ANTXRL: variants seen among roughly 807,000 people sequenced by gnomAD.
ANTXRL encodes ANTXR like.
In ANTXRL, 63 loss-of-function variants were observed where a neutral mutation model predicts 75.4. That is an observed-to-expected ratio of 0.84 (90% CI 0.68 to 1.03). The LOEUF (loss-of-function observed/expected upper bound fraction) is 1.03, where lower values mean the gene tolerates loss of function less well. Among genes scored for constraint, ANTXRL ranks in the 50% least tolerant of loss-of-function variants. The pLI, the probability that ANTXRL is intolerant of heterozygous loss-of-function variation, is 0.00. For missense variants in ANTXRL, 797 were observed against 789.4 expected (o/e 1.01, Z -0.12); for synonymous variants, 335 against 291.3 (o/e 1.15, Z -1.53).
chr10:46,305,728 G>A (rs1838040153), intron 10 of ANTXRL, among the ~76,000 whole-genome samples: 1 of 151,770 alleles, frequency 6.6e-6, no homozygotes, highest in Non-Finnish European at 1.5e-5. Context: ...ACTCTCCTGA[G>A]CCCACCACAC....
At chr10:46,321,533 G>T (rs192927690) in intron 16 of ANTXRL, among the ~76,000 whole-genome samples, 1 of 152,224 alleles carries the variant, frequency 6.6e-6, no homozygotes, top group East Asian at 1.9e-4. Context: ...GTGGTGACAA[G>T]GACTCGGTAT....
chr10:46,313,107 C>T, intron 15 of ANTXRL, 129 bp from the exon 16 acceptor site: 1 of 852,992 alleles, frequency 1.2e-6, no homozygotes, highest in Non-Finnish European at 1.9e-6. Flanking sequence ...GCCCCTCCCC[C>T]AGAGGGGGAT....
At chr10:46,288,167 GT>G (rs1554955729) in intron 1 of ANTXRL, among the ~76,000 whole-genome samples, 1 of 152,114 alleles carries the variant, frequency 6.6e-6, no homozygotes, top group African/African-American at 2.4e-5. Flanking sequence ...GATTGCCTTG[GT>G]TCCCTTTCCT....
At chr10:46,308,567 G>A (rs1475534507) in intron 12 of ANTXRL, 12 of 412,710 alleles carry the variant, frequency 2.9e-5, no homozygotes, top group African/African-American at 1.4e-4. Context: ...AACTGTTCCC[G>A]TTGCTTATAC....
chr10:46,329,891 A>G lies in ANTXRL; in HGVS notation c.1703A>G (p.Gln568Arg). The change falls in exon 17 of 17, where the codon CAG becomes CGG. Residue 568 changes from glutamine to arginine, a missense_variant. By Grantham distance (43) the Gln-to-Arg change is conservative. Coordinates refer to ENST00000620264, the MANE Select transcript of ANTXRL (RefSeq NM_001278688.3). ...AGCCCGGAGTACTTTTCCCAAGCAC[A>G]GACTCTGTGCAACCCAAAGAGCTGC... is the stretch of plus-strand genomic sequence containing the variant. ...RHSPEYFSQA[Q>R]TLCNPKSCLQ... The G allele has an allele frequency of 6.5e-7, 1 of 1,535,892 alleles. No homozygotes were observed. The highest frequency in any genetic ancestry group is 1.2e-5 in the South Asian group (1 of 84,048).
intron 1 of ANTXRL, among the ~76,000 whole-genome samples, chr10:46,290,954 C>G (rs1836958138): frequency 6.6e-6 from 1 of 152,058 alleles, no homozygotes; most frequent in Non-Finnish European, 1.5e-5. Flanking sequence ...ACAGTCTCAA[C>G]TTTTCTATTT....
chr10:46,297,246 C>G lies in ANTXRL; in HGVS notation c.509-6C>G, dbSNP rs538357634. 2 of 1,536,266 alleles carry G rather than the reference C, an allele frequency of 1.3e-6. No homozygotes were observed. Among genetic ancestry groups the G allele is most frequent in the Middle Eastern group, 1.7e-4 (1 of 5,988 alleles). ...CTGAGCAGGCCACTCTTTGCTTCTT[C>G]TACAGACAAGGTTCCCAGCATGATT... On this transcript the variant is annotated splice_polypyrimidine_tract_variant and splice_region_variant and intron_variant, in intron 5 of 16. Coordinates refer to ENST00000620264, the MANE Select transcript of ANTXRL (RefSeq NM_001278688.3).
chr10:46,308,708 C>A (rs769600710), intron 12 of ANTXRL: 1 of 334,482 alleles, frequency 3.0e-6, no homozygotes, highest in East Asian at 8.1e-5. Flanking sequence ...GATGTGCCCA[C>A]GGTGCAGAGC....
At position 46,296,258 on chromosome 10, in the gene ANTXRL, C is replaced by T. The variant is rs199969598; in HGVS notation, c.508+6C>T. ...CGAAAGTTTCAACTCCGGAAGTAAG[C>T]ACCTGCCGTCCCCCTGGTGGTCCTG... On this transcript the variant is annotated splice_donor_region_variant and intron_variant, in intron 5 of 16. Coordinates refer to ENST00000620264, the MANE Select transcript of ANTXRL (RefSeq NM_001278688.3). 3 of 1,535,716 alleles carry T rather than the reference C, an allele frequency of 2.0e-6. No homozygotes were observed. Among genetic ancestry groups the T allele is most frequent in the Non-Finnish European group, 2.6e-6 (3 of 1,146,628 alleles).
rs1242737433 is a variant in ANTXRL, at chr10:46,310,543, C to A, written c.1173+44C>A. The A allele has an allele frequency of 2.6e-6, 4 of 1,525,836 alleles. No homozygotes were observed. In the African/African-American group the frequency reaches 5.5e-5, roughly 21 times the overall value. 94.5% of individuals were successfully genotyped at this position (1,525,836 alleles called of 1,614,324 possible). On this transcript the variant is annotated intron_variant, in intron 14 of 16. Coordinates refer to ENST00000620264, the MANE Select transcript of ANTXRL (RefSeq NM_001278688.3). ...CCCGATATTGTCACATCCCAAGGAG[C>A]CCACTGACCTTCACCAAGAGTGCCA...
Position 46,297,872 on chromosome 10 carries a change from G to A in ANTXRL, c.696G>A (p.Val232=). ...ACAGCCCTGGCCACGTGTTTGCAGTGGAGAATGGCTTCAAGGCCCTGAGAA... is the reference window on the plus strand; with the variant it reads ...ACAGCCCTGGCCACGTGTTTGCAGTAGAGAATGGCTTCAAGGCCCTGAGAA... ...IADSPGHVFA[V]ENGFKALRST... The change falls in exon 8 of 17, where the codon GTG becomes GTA. Residue 232 remains valine, a synonymous_variant. Coordinates refer to ENST00000620264, the MANE Select transcript of ANTXRL (RefSeq NM_001278688.3). 6.5e-7 allele frequency: 1 copy of A among 1,535,936 alleles called. No homozygotes were observed. The highest frequency in any genetic ancestry group is 8.7e-7 in the Non-Finnish European group (1 of 1,146,756).
intron 16 of ANTXRL, among the ~76,000 whole-genome samples, chr10:46,328,547 A>G (rs1839337143): frequency 6.6e-6 from 1 of 152,140 alleles, no homozygotes; most frequent in African/African-American, 2.4e-5. Context: ...CATTGCCAGA[A>G]TGCATTCACA....
intron 9 of ANTXRL, among the ~76,000 whole-genome samples, chr10:46,299,579 G>A (rs551319429): frequency 2.0e-5 from 3 of 152,214 alleles, no homozygotes; most frequent in African/African-American, 7.2e-5. Context: ...GCAAGACCAC[G>A]AGGCATCCAG....
rs781894387 is a variant in ANTXRL at position 46,287,280 on chromosome 10, C to T, written c.18C>T (p.Ser6=). ...GCCAGATAATGGGGAGCCATGAGTC[C>T]CTGGGGCCCTACTTCCTGGTCTTCC... is the stretch of plus-strand genomic sequence containing the variant. MGSHE[S]LGPYFLVFLL... Residue 6 remains serine (S), a synonymous_variant, in exon 1 of 17, where the codon TCC becomes TCT. Coordinates refer to ENST00000620264, the MANE Select transcript of ANTXRL (RefSeq NM_001278688.3). The T allele has an allele frequency of 2.0e-6, 3 of 1,535,816 alleles. No homozygotes were observed. In the South Asian group the frequency reaches 3.6e-5, roughly 18 times the overall value.
At chr10:46,293,401 AGTGTGTGCCTGTGTGTGG>A (rs1361996807) in intron 2 of ANTXRL, among the ~76,000 whole-genome samples, 3 of 88,030 alleles carry the variant, frequency 3.4e-5, no homozygotes, top group African/African-American at 1.4e-4. Flanking sequence ...TGTGTGTGTG[AGTGTGTGCCTGTGTGTGG>A]GTGTGTGCGT....
chr10:46,297,611 G>A, intron 7 of ANTXRL, 137 bp downstream of exon 7: 4 of 935,690 alleles, frequency 4.3e-6, no homozygotes, highest in Non-Finnish European at 6.4e-6. Flanking sequence ...CTGCAGAAGT[G>A]ATTGACAGCA....
intron 16 of ANTXRL, 44 bp from the exon 17 acceptor site, chr10:46,329,555 C>T (rs1430017634): frequency 3.2e-5 from 49 of 1,517,482 alleles, no homozygotes; most frequent in Non-Finnish European, 4.0e-5. Context: ...GAGCCCAGTT[C>T]GAATGCCATC....
At position 46,310,480 on chromosome 10, in the gene ANTXRL, C is replaced by T. The variant is rs781981116; in HGVS notation, c.1154C>T (p.Pro385Leu). ...CRKQTVKEPP[P>L]VQKPEKEPEQ... ...TTCTAGACTGTCAAGGAGCCACCAC[C>T]TGTGCAGAAGCCAGAAAAGGTAAGT... is the stretch of plus-strand genomic sequence containing the variant. The change falls in exon 14 of 17, where the codon CCT (proline) becomes CTT (leucine). Residue 385 changes from proline (P) to leucine (L), a missense_variant. This residue lies in a region of ANTXRL where 479 missense variants were observed against 422.0 expected (regional missense o/e 1.14). Transcript: ENST00000620264. 2.6e-6 allele frequency: 4 copies of T among 1,536,392 alleles called. No individual in the cohort carries two copies. The South Asian group carries it at 4.8e-5, about 18-fold the overall frequency.
intron 15 of ANTXRL, among the ~76,000 whole-genome samples, chr10:46,312,727 C>G (rs555287603): frequency 6.7e-6 from 1 of 149,058 alleles, no homozygotes; most frequent in African/African-American, 2.5e-5. Flanking sequence ...CGCCGAGTGG[C>G]CAAGGGGCTG....
Sources: gnomAD v4.1 joint callset for allele counts (sites outside exome capture counted in the v4.1 genomes callset) on GRCh38, gnomAD v4.1.1 for gene constraint, gnomAD v4.1.1 regional missense constraint, MANE v1.5 for transcripts, NCBI Gene and HGNC (gene_info 2026-07-23, HGNC 2026-07-21) for gene names.